The following NRG1 variants were observed in gnomAD, a reference collection of about 807,000 sequenced individuals.
NRG1 encodes neuregulin 1, also known as pro-neuregulin-1, membrane-bound isoform.
In NRG1, 18 loss-of-function variants were observed where a neutral mutation model predicts 63.8. The observed-to-expected ratio is 0.28, with a 90% CI of 0.19 to 0.42. NRG1 has a LOEUF of 0.42. NRG1 is among the 10% of genes least tolerant of loss of function. The pLI is 1.00. For missense variants in NRG1, 762 were observed against 814.7 expected, an observed-to-expected ratio of 0.94 and a Z score of 0.79; for synonymous variants, 302 against 301.3, an observed-to-expected ratio of 1.00 and a Z score of -0.02.
chr8:31,731,417 T>TAC (rs139927733), intron 1 of NRG1, among the ~76,000 whole-genome samples: 20,178 of 148,258 alleles, frequency 0.14, 1,438 homozygotes, highest in African/African-American at 0.17. Flanking sequence ...AATTATGTCA[T>TAC]ACACACACAC....
At chr8:32,040,667 GTA>G (rs1187247214) in intron 1 of NRG1, among the ~76,000 whole-genome samples, 3 of 126,024 alleles carry the variant, frequency 2.4e-5, no homozygotes, top group African/African-American at 8.9e-5. Flanking sequence ...ATGTATATAT[GTA>G]TATACACACA....
intron 1 of NRG1, among the ~76,000 whole-genome samples, chr8:31,983,935 GGAAA>G (rs1319807288): frequency 2.0e-5 from 3 of 152,072 alleles, no homozygotes; most frequent in Admixed American, 6.6e-5. Flanking sequence ...AGACCAAAGG[GGAAA>G]GAGAGTAAGA....
chr8:32,715,469 C>G (rs1288500374), intron 5 of NRG1, among the ~76,000 whole-genome samples: 1 of 152,100 alleles, frequency 6.6e-6, no homozygotes, highest in Non-Finnish European at 1.5e-5. Context: ...AAAGGTCTCC[C>G]ACTGGTGACT....
intron 1 of NRG1, among the ~76,000 whole-genome samples, chr8:32,390,415 T>C (rs1045691675): frequency 6.6e-6 from 1 of 151,672 alleles, no homozygotes; most frequent in Non-Finnish European, 1.5e-5. Context: ...ACTCCATCTC[T>C]ACAAAAAATA....
chr8:32,479,712 C>T (rs536569782), intron 1 of NRG1, among the ~76,000 whole-genome samples: 12 of 152,136 alleles, frequency 7.9e-5, no homozygotes, highest in Middle Eastern at 3.4e-3. Flanking sequence ...TACAGTGGCG[C>T]GATCTCAGCT....
chr8:31,684,485 G>A (rs1174084110), intron 1 of NRG1, among the ~76,000 whole-genome samples: 2 of 152,140 alleles, frequency 1.3e-5, no homozygotes, highest in African/African-American at 2.4e-5. Context: ...CCAGAACTGC[G>A]AGAAATACAT....
At chr8:32,401,911 G>T (rs1178871043) in intron 1 of NRG1, among the ~76,000 whole-genome samples, 2 of 151,902 alleles carry the variant, frequency 1.3e-5, no homozygotes, top group Admixed American at 6.6e-5. Flanking sequence ...TGGTTTTTTT[G>T]TTTGTTTGTT....
At chr8:32,513,659 A>G (rs1829489956) in intron 1 of NRG1, among the ~76,000 whole-genome samples, 1 of 152,194 alleles carries the variant, frequency 6.6e-6, no homozygotes, top group Non-Finnish European at 1.5e-5. Context: ...ATCATTGGAT[A>G]CAAAAGTATC....
chr8:31,812,738 T>C (rs993124453), intron 1 of NRG1, among the ~76,000 whole-genome samples: 6 of 149,532 alleles, frequency 4.0e-5, no homozygotes, highest in African/African-American at 1.5e-4. Flanking sequence ...TCTTAAGCAC[T>C]GCACTGCTTT....
chr8:32,177,694 A>G (rs1167523633), intron 1 of NRG1, among the ~76,000 whole-genome samples: 4 of 151,938 alleles, frequency 2.6e-5, no homozygotes, highest in Non-Finnish European at 5.9e-5. Context: ...ATACTTAAAT[A>G]TTTTTAAACA....
chr8:31,922,642 A>T (rs1834010847), intron 1 of NRG1, among the ~76,000 whole-genome samples: 1 of 152,182 alleles, frequency 6.6e-6, no homozygotes, highest in African/African-American at 2.4e-5. Flanking sequence ...GGAAAATGAG[A>T]GTCTGTGCTT....
At chr8:31,884,585 A>G (rs1830583220) in intron 1 of NRG1, among the ~76,000 whole-genome samples, 1 of 152,110 alleles carries the variant, frequency 6.6e-6, no homozygotes, top group Non-Finnish European at 1.5e-5. Flanking sequence ...CCTGACTTGC[A>G]TTTGATCAGC....
At chr8:32,450,552 A>G (rs1375754228) in intron 1 of NRG1, among the ~76,000 whole-genome samples, 1 of 152,116 alleles carries the variant, frequency 6.6e-6, no homozygotes, top group Non-Finnish European at 1.5e-5. Context: ...AATAGCTTGG[A>G]CTACAGGTAC....
At chr8:32,760,820 C>T in intron 11 of NRG1, 1 of 1,017,042 alleles carries the variant, frequency 9.8e-7, no homozygotes, top group Admixed American at 5.1e-5. Context: ...GTCGAGCTGG[C>T]CTCGTGTTCT....
chr8:31,970,252 G>C (rs1807059233), intron 1 of NRG1, among the ~76,000 whole-genome samples: 1 of 152,066 alleles, frequency 6.6e-6, no homozygotes, highest in Non-Finnish European at 1.5e-5. Flanking sequence ...CCATTTTCAG[G>C]ATATAATAAA....
At chr8:32,180,994 A>C (rs1490088786) in intron 1 of NRG1, among the ~76,000 whole-genome samples, 1 of 152,110 alleles carries the variant, frequency 6.6e-6, no homozygotes, top group East Asian at 1.9e-4. Flanking sequence ...TGTAAGTGAG[A>C]TTATGTGGTA....
chr8:31,743,903 A>T (rs1052900453), intron 1 of NRG1, among the ~76,000 whole-genome samples: 1 of 152,050 alleles, frequency 6.6e-6, no homozygotes, highest in Non-Finnish European at 1.5e-5. Flanking sequence ...CTTGGAAAAA[A>T]AAGCTTTGTT....
intron 1 of NRG1, among the ~76,000 whole-genome samples, chr8:32,295,908 G>A (rs933486128): frequency 6.8e-6 from 1 of 145,994 alleles, no homozygotes; most frequent in African/African-American, 2.6e-5. Context: ...TTGCACTCCA[G>A]CCTGGGTGAC....
chr8:32,168,722 C>T (rs762433194), intron 1 of NRG1, among the ~76,000 whole-genome samples: 12 of 152,118 alleles, frequency 7.9e-5, no homozygotes, highest in South Asian at 2.1e-4. Flanking sequence ...AGAGGAAAGC[C>T]GCTGGCTGAC....
Sources: gnomAD v4.1 joint callset for allele counts (sites outside exome capture counted in the v4.1 genomes callset) on GRCh38, gnomAD v4.1.1 for gene constraint, MANE v1.5 for transcripts, NCBI Gene and HGNC (gene_info 2026-07-23, HGNC 2026-07-21) for gene names.